The following CSMD2 variants were observed in gnomAD, a reference collection of about 807,000 sequenced individuals.
CSMD2 encodes CUB and sushi domain-containing protein 2.
A neutral mutation model predicts 398.5 loss-of-function variants in CSMD2; 130 were observed. The observed-to-expected ratio is 0.33, with a 90% CI of 0.28 to 0.38. The LOEUF (loss-of-function observed/expected upper bound fraction) is 0.38. Among genes scored for constraint, CSMD2 ranks in the 10% least tolerant of loss-of-function variants. The pLI is 1.00. For synonymous variants in CSMD2, 1,828 were observed against 1,908.5 expected (o/e 0.96, Z 1.10); for missense variants, 3,829 against 4,764.9 (o/e 0.80, Z 5.78).
intron 2 of CSMD2, among the ~76,000 whole-genome samples, chr1:34,076,956 T>C (rs1330143265): frequency 2.6e-5 from 3 of 113,382 alleles, no homozygotes; most frequent in South Asian, 6.2e-4. Flanking sequence ...TATATATATA[T>C]AGAAGGCTTG....
At chr1:33,690,639 C>A (rs939190374) in intron 25 of CSMD2, among the ~76,000 whole-genome samples, 1 of 152,180 alleles carries the variant, frequency 6.6e-6, no homozygotes, top group African/African-American at 2.4e-5. Context: ...CATGTGTATA[C>A]TAAAGTGAAA....
chr1:33,883,231 A>G (rs1641355858), intron 5 of CSMD2, among the ~76,000 whole-genome samples: 1 of 152,218 alleles, frequency 6.6e-6, no homozygotes, highest in African/African-American at 2.4e-5. Context: ...AGTAGGTGAT[A>G]TATTGGTATA....
intron 1 of CSMD2, among the ~76,000 whole-genome samples, chr1:34,109,039 C>T (rs1013690829): frequency 6.6e-6 from 1 of 152,138 alleles, no homozygotes; most frequent in Non-Finnish European, 1.5e-5. Context: ...CTTGTTTCTC[C>T]ATAGCAGCCC....
intron 40 of CSMD2, among the ~76,000 whole-genome samples, chr1:33,611,939 AT>A (rs1171292528): frequency 3.9e-5 from 6 of 152,388 alleles, no homozygotes; most frequent in African/African-American, 1.2e-4. Context: ...GAAGAAATAT[AT>A]TTACTGAGCA....
At position 33,725,498 on chromosome 1, in the gene CSMD2, C is replaced by T. The variant is rs754321878; in HGVS notation, c.2546G>A (p.Arg849His). The part of the protein sequence containing the change: ...TEVNYDTLEV[R>H]DGRTYSAPLI... Reference sequence around the variant, plus strand: ...GGGCGCTGAGTAAGTCCGCCCATCGCGTACTTCCAGGGTGTCATAGTTGAC... The same window carrying T: ...GGGCGCTGAGTAAGTCCGCCCATCGTGTACTTCCAGGGTGTCATAGTTGAC... The change falls in exon 17 of 71, where the codon CGC becomes CAC. Residue 849 changes from arginine (R) to histidine (H), a missense_variant. Coordinates refer to ENST00000373381, the MANE Select transcript of CSMD2 (RefSeq NM_001281956.2). The T allele has an allele frequency of 2.0e-5, 32 of 1,614,098 alleles. No homozygotes were observed. Among genetic ancestry groups the T allele is most frequent in the South Asian group, 7.7e-5 (7 of 91,094 alleles).
intron 22 of CSMD2, among the ~76,000 whole-genome samples, chr1:33,708,590 A>AATTATTATTATTATTATT (rs1645881097): frequency 1.1e-4 from 3 of 26,550 alleles, no homozygotes; most frequent in African/African-American, 5.8e-4. Flanking sequence ...CTCCAACCGA[A>AATTATTATTATTATTATT]CTTATTATTA....
chr1:33,857,705 T>A (rs552230449), intron 5 of CSMD2, among the ~76,000 whole-genome samples: 1 of 152,120 alleles, frequency 6.6e-6, no homozygotes, highest in Non-Finnish European at 1.5e-5. Context: ...AGCTGGGGAA[T>A]GTACCCATTC....
rs1043537347 is a variant in CSMD2, at chr1:33,981,245, C to A, written c.518-45291G>T. ...ACATTCCAGCTATTTGCACTCACTT[C>A]CCACTTATTTGCAGGCCTTATCCTC... On this transcript the variant is annotated intron_variant, in intron 3 of 70. Coordinates refer to ENST00000373381, the MANE Select transcript of CSMD2 (RefSeq NM_001281956.2). Among the ~76,000 whole-genome samples, 3 of 152,346 alleles carry A rather than the reference C, an allele frequency of 2.0e-5. No homozygotes were observed. The East Asian group carries it at 5.8e-4, about 29-fold the overall frequency.
intron 3 of CSMD2, among the ~76,000 whole-genome samples, chr1:33,974,097 GTCTT>G (rs1242369487): frequency 6.6e-6 from 1 of 152,228 alleles, no homozygotes; most frequent in African/African-American, 2.4e-5. Context: ...CAGCTTGTAA[GTCTT>G]TCTTTGTGTG....
chr1:34,153,515 G>A (rs765923098), intron 1 of CSMD2, among the ~76,000 whole-genome samples: 2 of 152,240 alleles, frequency 1.3e-5, no homozygotes, highest in African/African-American at 4.8e-5. Flanking sequence ...CTGAGCCTGT[G>A]TGTAGCTGCC....
chr1:33,819,586 C>T (rs953976303), intron 9 of CSMD2, 127 bp downstream of exon 9: 9 of 757,416 alleles, frequency 1.2e-5, no homozygotes, highest in Non-Finnish European at 1.7e-5. Context: ...TAAATAAGTG[C>T]AGGGAGTGAG....
chr1:33,818,864 T>C (rs1469470848), intron 9 of CSMD2, among the ~76,000 whole-genome samples: 1 of 152,234 alleles, frequency 6.6e-6, no homozygotes, highest in Non-Finnish European at 1.5e-5. Flanking sequence ...TTACTCTGCA[T>C]GAATTTTATC....
chr1:34,093,053 G>A (rs1425774774), intron 1 of CSMD2, among the ~76,000 whole-genome samples: 2 of 152,206 alleles, frequency 1.3e-5, no homozygotes, highest in African/African-American at 4.8e-5. Flanking sequence ...GTACGCAGCT[G>A]GAGATCTGAG....
intron 2 of CSMD2, among the ~76,000 whole-genome samples, chr1:34,068,771 G>A (rs1655395257): frequency 6.6e-6 from 1 of 152,128 alleles, no homozygotes; most frequent in Non-Finnish European, 1.5e-5. Flanking sequence ...AATCATGGGG[G>A]CAGGTCTTTC....
chr1:33,773,196 G>A (rs1651516353), intron 12 of CSMD2, among the ~76,000 whole-genome samples: 1 of 152,160 alleles, frequency 6.6e-6, no homozygotes, highest in African/African-American at 2.4e-5. Flanking sequence ...CTAATGTCAC[G>A]ACAGATCTCA....
intron 19 of CSMD2, among the ~76,000 whole-genome samples, 180 bp from the exon 20 acceptor site, chr1:33,716,681 C>G (rs142152072): frequency 0.011 from 1,698 of 152,290 alleles, 15 homozygotes; most frequent in Non-Finnish European, 0.018. Flanking sequence ...CACACAAGTG[C>G]CCAGAGATTC....
At chr1:34,093,136 C>A (rs893818903) in intron 1 of CSMD2, among the ~76,000 whole-genome samples, 2 of 152,106 alleles carry the variant, frequency 1.3e-5, no homozygotes, top group Non-Finnish European at 2.9e-5. Flanking sequence ...AGGCACCCCC[C>A]AGCAGGGGCA....
rs1258298982 is a variant in CSMD2, at chr1:33,707,693, GCGCACACACACACACACACACACA to G, written c.3576+1372_3576+1395del. On this transcript the variant is annotated intron_variant, in intron 22 of 70. Coordinates refer to ENST00000373381, the MANE Select transcript of CSMD2 (RefSeq NM_001281956.2). Reference sequence around the variant, plus strand: ...CACGCACGCGTGCACACGCGCGCGCGCGCACACACACACACACACACACACACACACACACACACACACACACAC... The same window carrying G: ...CACGCACGCGTGCACACGCGCGCGCGCACACACACACACACACACACACAC... 3.7e-3 allele frequency among the ~76,000 whole-genome samples: 174 copies of G among 46,954 alleles called. 2 individuals are homozygous for G. Among genetic ancestry groups the G allele is most frequent in the Middle Eastern group, 0.012 (1 of 84 alleles). The allele number at this position is 46,954 out of a possible 152,430, so 30.8% of individuals were successfully genotyped here. A position where few individuals can be genotyped will look rare whatever the true frequency, so the allele number is the denominator to read the frequency against.
intron 3 of CSMD2, among the ~76,000 whole-genome samples, chr1:34,027,640 T>A (rs1649826032): frequency 6.6e-6 from 1 of 152,236 alleles, no homozygotes; most frequent in African/African-American, 2.4e-5. Flanking sequence ...CACAATGGCT[T>A]CCTCAGTGAT....
Sources: allele counts gnomAD v4.1 joint callset (sites outside exome capture counted in the v4.1 genomes callset), GRCh38; gene constraint gnomAD v4.1.1; transcripts MANE v1.5; gene names NCBI Gene and HGNC (gene_info 2026-07-23, HGNC 2026-07-21).